Variants in TJAP1 observed in about 807,000 individuals in gnomAD.
The protein encoded by TJAP1 is tight junction associated protein 1, also known as tight junction-associated protein 1.
Under a neutral mutation model 42.0 loss-of-function variants are expected in TJAP1, and 27 were observed. The ratio of observed to expected loss-of-function variants is 0.64; its 90% CI spans 0.47 to 0.89. The LOEUF is 0.89. Among genes scored for constraint, TJAP1 ranks in the 40% least tolerant of loss-of-function variants. The pLI is 0.00. For missense variants in TJAP1, 712 were observed against 726.9 expected (o/e 0.98, Z 0.24); for synonymous variants, 257 against 288.4 (o/e 0.89, Z 1.10).
intron 2 of TJAP1, among the ~76,000 whole-genome samples, chr6:43,494,349 G>A (rs1788545682): frequency 6.6e-6 from 1 of 152,182 alleles, no homozygotes; most frequent in South Asian, 2.1e-4. Flanking sequence ...AGGGAGGGTT[G>A]AGGAGAGTCC....
chr6:43,502,771 C>A, intron 8 of TJAP1, 154 bp downstream of exon 8: 1 of 864,834 alleles, frequency 1.2e-6, no homozygotes, highest in Non-Finnish European at 1.9e-6. Flanking sequence ...CAATGCCTCC[C>A]TCCCAGGAGA....
intron 6 of TJAP1, among the ~76,000 whole-genome samples, chr6:43,501,955 T>C (rs943301378): frequency 1.6e-4 from 20 of 128,646 alleles, no homozygotes; most frequent in Non-Finnish European, 3.0e-4. Flanking sequence ...TCTCTCTCTC[T>C]CCTTTCATAG....
chr6:43,502,072 ACACACTCT>A (rs1464298740), intron 6 of TJAP1, among the ~76,000 whole-genome samples: 3 of 117,220 alleles, frequency 2.6e-5, no homozygotes, highest in African/African-American at 1.4e-4. Flanking sequence ...ACACACACAC[ACACACTCT>A]CTCTCTCTCT....
rs1432910202 is a variant in TJAP1, at chr6:43,491,076, G to T, written c.-121-6805G>T. Reference sequence around the variant, plus strand: ...GACAGGGGGAGCTTGAGAACAGAAGGCTGCCTAAGTGGATTCTGTTCCCCT... The same window carrying T: ...GACAGGGGGAGCTTGAGAACAGAAGTCTGCCTAAGTGGATTCTGTTCCCCT... On this transcript the variant is annotated intron_variant, in intron 2 of 10. Transcript: ENST00000372449. This position sits in a 1 kb window ranked among gnomAD's most constrained non-coding sequence, Gnocchi z 4.6. Among the ~76,000 whole-genome samples the T allele has an allele frequency of 6.6e-6, 1 of 152,198 alleles. No homozygotes were observed. The highest frequency in any genetic ancestry group is 1.9e-4 in the East Asian group (1 of 5,194).
rs770256095 is a variant in TJAP1 at position 43,505,176 on chromosome 6, T to C, written c.995T>C (p.Ile332Thr). ...CCACTGTATCCTGGCCGCAGGGTAA[T>C]AGAGTTCTCTGAGGATAAGGTTCGG... The change falls in exon 11 of 11, where the codon ATA becomes ACA. Residue 332 changes from isoleucine (I) to threonine (T), a missense_variant. This residue lies in a region of TJAP1 where 549 missense variants were observed against 528.2 expected (regional missense o/e 1.04). Transcript: ENST00000372449. The surrounding 1 kb of genome is among the most constrained non-coding windows in gnomAD (Gnocchi z 5.5). The C allele has an allele frequency of 4.3e-6, 7 of 1,614,108 alleles. No homozygotes were observed. The highest frequency in any genetic ancestry group is 1.6e-4 in the Middle Eastern group (1 of 6,062).
At chr6:43,485,368 C>T (rs1047962685) in intron 2 of TJAP1, among the ~76,000 whole-genome samples, 2 of 152,196 alleles carry the variant, frequency 1.3e-5, no homozygotes, top group Non-Finnish European at 2.9e-5. Context: ...CATCATGATC[C>T]ATTCTTTGCT....
exon 11 of TJAP1, chr6:43,506,276 A>G (rs1198828011): frequency 1.3e-5 from 2 of 152,688 alleles, no homozygotes; most frequent in African/African-American, 4.9e-5. Flanking sequence ...TCCGTTTCCT[A>G]CCTGTTTGCT....
At chr6:43,501,039 C>T (rs1036234046) in intron 5 of TJAP1, 61 of 515,740 alleles carry the variant, frequency 1.2e-4, no homozygotes, top group African/African-American at 1.1e-3. Flanking sequence ...AGGAGCCCTT[C>T]CCCAGCTCCT....
At position 43,505,265 on chromosome 6, in the gene TJAP1, C is replaced by T. The variant is rs1462013467; in HGVS notation, c.1084C>T (p.Leu362=). ...TACCCGCCAGGCCATTTCCCTGAGCCTGGTAGAGGAGGGGAGTGAGCGGGC... is the reference window on the plus strand; with the variant it reads ...TACCCGCCAGGCCATTTCCCTGAGCTTGGTAGAGGAGGGGAGTGAGCGGGC... Residue 362 remains leucine, a synonymous_variant, in exon 11 of 11, where the codon CTG becomes TTG. Coordinates refer to ENST00000372449, the Ensembl canonical transcript of TJAP1. The surrounding 1 kb of genome is among the most constrained non-coding windows in gnomAD (Gnocchi z 5.5). 1 of 1,613,878 alleles carries T rather than the reference C, an allele frequency of 6.2e-7. No homozygotes were observed. The highest frequency in any genetic ancestry group is 1.1e-5 in the South Asian group (1 of 91,078).
chr6:43,483,962 G>T (rs1785866411), intron 2 of TJAP1, among the ~76,000 whole-genome samples: 1 of 152,116 alleles, frequency 6.6e-6, no homozygotes, highest in Non-Finnish European at 1.5e-5. Context: ...CCCTCAGGAG[G>T]AGGCTGAGGT....
chr6:43,481,709 C>G (rs1052592893), intron 2 of TJAP1, among the ~76,000 whole-genome samples: 1 of 152,178 alleles, frequency 6.6e-6, no homozygotes, highest in African/African-American at 2.4e-5. Flanking sequence ...GGTGCTCAGT[C>G]TCTCCCTTTA....
In TJAP1 at chr6:43,495,445, G is replaced by C. The variant is rs748498286; in HGVS notation, c.-121-2436G>C. On this transcript the variant is annotated intron_variant, in intron 2 of 10. Coordinates refer to ENST00000372449, the Ensembl canonical transcript of TJAP1. This position sits in a 1 kb window ranked among gnomAD's most constrained non-coding sequence, Gnocchi z 4.6. ...AAGTTGGAGCTAGGGCCTGGGTGTT[G>C]GGCACACCCTGTGTTTATGGACACA... Among the ~76,000 whole-genome samples, 20 of 152,174 alleles carry C rather than the reference G, an allele frequency of 1.3e-4. No homozygotes were observed. The highest frequency in any genetic ancestry group is 2.5e-4 in the Non-Finnish European group (17 of 68,014).
intron 2 of TJAP1, among the ~76,000 whole-genome samples, chr6:43,493,621 T>G (rs539622690): frequency 6.6e-6 from 1 of 152,344 alleles, no homozygotes; most frequent in African/African-American, 2.4e-5. Flanking sequence ...TTTCCTCTTC[T>G]GCATCTCTGA....
chr6:43,496,326 A>G (rs1276934126), intron 2 of TJAP1, among the ~76,000 whole-genome samples: 3 of 152,038 alleles, frequency 2.0e-5, no homozygotes, highest in Non-Finnish European at 4.4e-5. Flanking sequence ...AGGCCATAGG[A>G]GCACCCACCC....
chr6:43,506,440 CTG>C (rs1010165977), exon 11 of TJAP1: 1 of 152,770 alleles, frequency 6.5e-6, no homozygotes, highest in Non-Finnish European at 1.5e-5. Context: ...AAGCTGGGCT[CTG>C]TGTGAGGCCT....
chr6:43,490,254 G>A, intron 2 of TJAP1, among the ~76,000 whole-genome samples: 1 of 152,202 alleles, frequency 6.6e-6, no homozygotes, highest in East Asian at 1.9e-4. Flanking sequence ...GCCTGCTGCT[G>A]GGCTCCACTG....
intron 3 of TJAP1, among the ~76,000 whole-genome samples, chr6:43,498,574 T>A (rs567186328): frequency 2.0e-5 from 3 of 152,162 alleles, no homozygotes; most frequent in Non-Finnish European, 2.9e-5. Flanking sequence ...AAAAAGAAAT[T>A]GATGCTGTTT....
intron 6 of TJAP1, among the ~76,000 whole-genome samples, chr6:43,501,927 A>ACACACT (rs1427610297): frequency 1.7e-4 from 12 of 71,586 alleles, no homozygotes; most frequent in African/African-American, 7.1e-4. Flanking sequence ...ACACACACAC[A>ACACACT]CTCTCTCTCT....
chr6:43,499,164 C>T, intron 4 of TJAP1, 64 bp downstream of exon 4: 1 of 1,589,178 alleles, frequency 6.3e-7, no homozygotes, highest in Non-Finnish European at 8.5e-7. Context: ...GGGTGTCTGG[C>T]TGACTTCTCC....
Sources: allele counts gnomAD v4.1 joint callset (sites outside exome capture counted in the v4.1 genomes callset), GRCh38; gene constraint gnomAD v4.1.1; regional missense constraint gnomAD v4.1.1; non-coding constraint Gnocchi (gnomAD v3.1); transcripts MANE v1.5; gene names NCBI Gene and HGNC (gene_info 2026-07-23, HGNC 2026-07-21).